The following UBASH3B variants were observed in gnomAD, a reference collection of about 807,000 sequenced individuals.
UBASH3B encodes ubiquitin-associated and SH3 domain-containing protein B.
In UBASH3B, 37 loss-of-function variants were observed where a neutral mutation model predicts 83.4. That is an observed-to-expected ratio of 0.44 (90% confidence interval 0.34 to 0.58). The LOEUF is 0.58. UBASH3B is among the 20% of genes least tolerant of loss of function. UBASH3B has a pLI of 0.01. For synonymous variants in UBASH3B, 304 were observed against 318.3 expected, an observed-to-expected ratio of 0.96 and a Z score of 0.48; for missense variants, 657 against 827.2, an observed-to-expected ratio of 0.79 and a Z score of 2.52.
intron 1 of UBASH3B, among the ~76,000 whole-genome samples, chr11:122,771,791 T>A (rs997431798): frequency 3.6e-4 from 44 of 122,792 alleles, no homozygotes; most frequent in Admixed American, 4.8e-4. Context: ...ACACACACAC[T>A]AAAATAATAA....
chr11:122,809,655 C>A, intron 13 of UBASH3B, 94 bp from the exon 14 acceptor site: 1 of 1,381,206 alleles, frequency 7.2e-7, no homozygotes, highest in Non-Finnish European at 1.0e-6. Context: ...GACTGCAATT[C>A]TCTAGGGCCA....
rs531455905 is a variant in UBASH3B, at chr11:122,656,990, G to C, written c.161+780G>C. 2.3e-3 allele frequency among the ~76,000 whole-genome samples: 357 copies of C among 152,306 alleles called. 2 individuals are homozygous for C. Among genetic ancestry groups the C allele is most frequent in the African/African-American group, 8.1e-3 (336 of 41,574 alleles). On this transcript the variant is annotated intron_variant, in intron 1 of 13. Transcript: ENST00000284273. The stretch of plus-strand genomic sequence containing the variant: ...CTGCTGGGGAGAGGCCTGTTTGCCA[G>C]CATAGGGTGGCGGCGGCCGGAGTCG...
chr11:122,679,681 GC>G (rs1157877370), intron 1 of UBASH3B, among the ~76,000 whole-genome samples: 2 of 152,306 alleles, frequency 1.3e-5, no homozygotes, highest in African/African-American at 4.8e-5. Context: ...ACTCAGCTCT[GC>G]TGTTTTGCAA....
At chr11:122,662,432 C>CT (rs1555130806) in intron 1 of UBASH3B, among the ~76,000 whole-genome samples, 124 of 138,686 alleles carry the variant, frequency 8.9e-4, no homozygotes, top group South Asian at 4.1e-3. Context: ...CTTTTCTTTT[C>CT]TTTTTTTTTT....
At chr11:122,753,749 C>G (rs570652235) in intron 1 of UBASH3B, among the ~76,000 whole-genome samples, 71 of 152,134 alleles carry the variant, frequency 4.7e-4, no homozygotes, top group African/African-American at 1.7e-3. Context: ...CCTGCCTCGG[C>G]CTCCCAAAGT....
chr11:122,680,537 C>T (rs1489953764), intron 1 of UBASH3B, among the ~76,000 whole-genome samples: 1 of 152,210 alleles, frequency 6.6e-6, no homozygotes, highest in Non-Finnish European at 1.5e-5. Flanking sequence ...GATCTTGGCT[C>T]ACCGCAACCT....
intron 1 of UBASH3B, among the ~76,000 whole-genome samples, chr11:122,720,266 T>C (rs1233420619): frequency 6.6e-6 from 1 of 152,212 alleles, no homozygotes; most frequent in Non-Finnish European, 1.5e-5. Flanking sequence ...CAGATGTTCA[T>C]TCTAATGCCT....
Position 122,796,231 on chromosome 11 carries a change from G to A in UBASH3B, c.1189G>A (p.Val397Ile), listed in dbSNP as rs571395946. The part of the protein sequence containing the change: ...FVCRHGERMD[V>I]VFGKYWLSQC... Reference sequence around the variant, plus strand: ...GTGTCGGCATGGTGAGAGGATGGATGTTGTGTTTGGGAAGTACTGGCTGTC... The same window carrying A: ...GTGTCGGCATGGTGAGAGGATGGATATTGTGTTTGGGAAGTACTGGCTGTC... The change falls in exon 8 of 14, where the codon GTT (valine) becomes ATT (isoleucine). Residue 397 changes from valine to isoleucine, a missense_variant. Physicochemically the swap from Val to Ile is conservative, Grantham distance 29. Coordinates refer to ENST00000284273, the MANE Select transcript of UBASH3B (RefSeq NM_032873.5). 1.9e-6 allele frequency: 3 copies of A among 1,614,178 alleles called. No individual in the cohort carries two copies. The highest frequency in any genetic ancestry group is 2.5e-6 in the Non-Finnish European group (3 of 1,180,008).
At chr11:122,725,961 A>C (rs1591788116) in intron 1 of UBASH3B, among the ~76,000 whole-genome samples, 1 of 152,022 alleles carries the variant, frequency 6.6e-6, no homozygotes, top group African/African-American at 2.4e-5. Context: ...CAAAGTGCTG[A>C]GATTACAGGC....
chr11:122,682,522 A>C (rs1863755449), intron 1 of UBASH3B, among the ~76,000 whole-genome samples: 1 of 152,154 alleles, frequency 6.6e-6, no homozygotes, highest in African/African-American at 2.4e-5. Flanking sequence ...TTTCCCTGTA[A>C]AAAGTTGAGA....
chr11:122,656,302 G>T, intron 1 of UBASH3B, 92 bp downstream of exon 1: 2 of 1,221,336 alleles, frequency 1.6e-6, no homozygotes. Context: ...GCGCCTGCGG[G>T]ACAGGCAGCG....
chr11:122,768,470 A>G (rs111951896), intron 1 of UBASH3B, among the ~76,000 whole-genome samples: 5,012 of 140,030 alleles, frequency 0.036, 141 homozygotes, highest in Middle Eastern at 0.047. Context: ...ATATATATGT[A>G]TGTGTGTGTG....
chr11:122,747,290 T>TAGC (rs1293699242), intron 1 of UBASH3B, among the ~76,000 whole-genome samples: 1 of 152,210 alleles, frequency 6.6e-6, no homozygotes. Flanking sequence ...AAAATCGTCT[T>TAGC]AGCAAGAGCT....
intron 1 of UBASH3B, among the ~76,000 whole-genome samples, chr11:122,755,170 C>T (rs1861263512): frequency 6.6e-6 from 1 of 152,052 alleles, no homozygotes; most frequent in Admixed American, 6.5e-5. Flanking sequence ...AATGATGCCC[C>T]AGAGCTCTTA....
At chr11:122,700,235 C>G (rs1384186088) in intron 1 of UBASH3B, among the ~76,000 whole-genome samples, 2 of 152,166 alleles carry the variant, frequency 1.3e-5, no homozygotes, top group African/African-American at 2.4e-5. Flanking sequence ...TTTGAACTAG[C>G]ACAAAGTCCC....
At chr11:122,725,752 G>A (rs185535239) in intron 1 of UBASH3B, among the ~76,000 whole-genome samples, 87 of 152,146 alleles carry the variant, frequency 5.7e-4, no homozygotes, top group African/African-American at 2.0e-3. Context: ...GGAGTGCAGT[G>A]GCTCAATCTT....
intron 1 of UBASH3B, among the ~76,000 whole-genome samples, chr11:122,766,167 C>A (rs929242885): frequency 1.3e-5 from 2 of 152,174 alleles, no homozygotes; most frequent in African/African-American, 4.8e-5. Context: ...CTCCATGAGT[C>A]AAGAGCTATC....
rs546784104 is a variant in UBASH3B, at chr11:122,814,333, C to T, written c.*4447C>T. 41 of 152,648 alleles carry T rather than the reference C, an allele frequency of 2.7e-4. No individual in the cohort carries two copies. Among genetic ancestry groups the T allele is most frequent in the East Asian group, 1.4e-3 (7 of 5,182 alleles). The allele number at this position is 152,648 out of a possible 1,614,324, so 9.5% of individuals were successfully genotyped here. On this transcript the variant is annotated 3_prime_UTR_variant, in exon 14 of 14. Transcript: ENST00000284273. ...ATTGCCAAATTCTTTGTAAACTCTC[C>T]GTGGCACTTGTGCTTTCCTGGCTGA...
intron 1 of UBASH3B, among the ~76,000 whole-genome samples, chr11:122,688,747 C>T (rs1863844510): frequency 6.6e-6 from 1 of 151,986 alleles, no homozygotes; most frequent in African/African-American, 2.4e-5. Context: ...CGGGTTCACC[C>T]CATTCTCCTG....
Sources: gnomAD v4.1 joint callset for allele counts (sites outside exome capture counted in the v4.1 genomes callset) on GRCh38, gnomAD v4.1.1 for gene constraint, MANE v1.5 for transcripts, NCBI Gene and HGNC (gene_info 2026-07-23, HGNC 2026-07-21) for gene names.